VPS54: variants seen among roughly 807,000 people sequenced by gnomAD.
The protein encoded by VPS54 is VPS54 subunit of GARP complex.
VPS54 carries 45 observed loss-of-function variants against 121.5 expected under a neutral mutation model. That is an observed-to-expected ratio of 0.37 (90% CI 0.29 to 0.47). VPS54 has a LOEUF of 0.47. Among genes scored for constraint, VPS54 ranks in the 20% least tolerant of loss-of-function variants. VPS54 has a pLI of 0.99. For missense variants in VPS54, 1,090 were observed against 1,131.4 expected (o/e 0.96, Z 0.52); for synonymous variants, 371 against 385.8 (o/e 0.96, Z 0.45).
intron 9 of VPS54, 129 bp from the exon 10 acceptor site, chr2:63,944,784 C>G: frequency 1.5e-6 from 1 of 678,452 alleles, no homozygotes; most frequent in Non-Finnish European, 2.4e-6. Flanking sequence ...AAAGGACATA[C>G]ATGTGGCCAA....
intron 1 of VPS54, among the ~76,000 whole-genome samples, chr2:64,001,855 T>G (rs1346746213): frequency 6.6e-6 from 1 of 152,058 alleles, no homozygotes. Flanking sequence ...AGCACTCCCT[T>G]AGGTGTTCCA....
chr2:63,968,990 A>T lies in VPS54; in HGVS notation c.459T>A (p.Asp153Glu). The change falls in exon 5 of 23, where the codon GAT (aspartate) becomes GAA (glutamate). Residue 153 changes from aspartate to glutamate, a missense_variant and splice_region_variant. Coordinates refer to ENST00000272322, the MANE Select transcript of VPS54 (RefSeq NM_016516.3). The stretch of plus-strand genomic sequence containing the variant: ...CTTGCTCCAGATCTGTCCTGGATTT[A>T]TCTATTTAAAAAAGAAGGGAAATAT... ...TFERTLLHTH[D>E]KSRTDLEQVP... 6.3e-7 allele frequency: 1 copy of T among 1,599,326 alleles called. No individual in the cohort carries two copies. The highest frequency in any genetic ancestry group is 1.1e-5 in the South Asian group (1 of 88,674).
chr2:63,992,211 G>A (rs998249116), intron 1 of VPS54, among the ~76,000 whole-genome samples: 6 of 152,210 alleles, frequency 3.9e-5, no homozygotes, highest in African/African-American at 1.4e-4. Context: ...ACGTGGCCCT[G>A]GAAGGGGCTC....
At chr2:63,938,059 G>GTTGTGTGTGT (rs9309357) in intron 11 of VPS54, among the ~76,000 whole-genome samples, 1 of 140,384 alleles carries the variant, frequency 7.1e-6, no homozygotes, top group Admixed American at 7.1e-5. Context: ...TGGTGTGTGT[G>GTTGTGTGTGT]GTGTGTGTGT....
At chr2:63,922,363 C>G (rs1673686199) in intron 12 of VPS54, among the ~76,000 whole-genome samples, 3 of 152,134 alleles carry the variant, frequency 2.0e-5, no homozygotes, top group South Asian at 4.1e-4. Context: ...AAAGATACTA[C>G]AAAGAGGCTC....
intron 12 of VPS54, among the ~76,000 whole-genome samples, chr2:63,931,646 T>C (rs1217173338): frequency 1.3e-5 from 2 of 152,050 alleles, no homozygotes; most frequent in Admixed American, 6.5e-5. Flanking sequence ...AAAGGCAAAA[T>C]TGACAAATGG....
chr2:63,893,541 T>C lies in VPS54; in HGVS notation c.2829-6A>G, dbSNP rs1474664801. 2 of 1,603,174 alleles carry C rather than the reference T, an allele frequency of 1.2e-6. No individual in the cohort carries two copies. The highest frequency in any genetic ancestry group is 1.7e-6 in the Non-Finnish European group (2 of 1,175,336). ...CTACATCTGCTGTGACCAACCTAAA[T>C]AATGGAGAGAAAATTATTTTTTAAA... On this transcript the variant is annotated splice_polypyrimidine_tract_variant and splice_region_variant and intron_variant, in intron 22 of 22. Transcript: ENST00000272322.
chr2:63,912,769 C>G (rs534321653), intron 18 of VPS54, 108 bp from the exon 19 acceptor site: 11 of 1,340,302 alleles, frequency 8.2e-6, no homozygotes, highest in Non-Finnish European at 1.0e-5. Flanking sequence ...TATAAAGAAC[C>G]AGTTTATTTC....
chr2:63,943,887 A>G (rs1674854334), intron 10 of VPS54, among the ~76,000 whole-genome samples: 1 of 151,208 alleles, frequency 6.6e-6, no homozygotes, highest in African/African-American at 2.4e-5. Flanking sequence ...ACCATGCCCA[A>G]CTTATTTTTT....
intron 7 of VPS54, among the ~76,000 whole-genome samples, chr2:63,956,133 T>C (rs1225074307): frequency 1.3e-5 from 2 of 152,214 alleles, no homozygotes; most frequent in Non-Finnish European, 2.9e-5. Flanking sequence ...CAATAAACTC[T>C]GTAGAATTCT....
chr2:63,921,884 T>C (rs917131998), intron 12 of VPS54, among the ~76,000 whole-genome samples: 6 of 152,226 alleles, frequency 3.9e-5, no homozygotes, highest in African/African-American at 1.2e-4. Context: ...GCAGAAACTA[T>C]AGCAAAATTA....
chr2:63,893,570 C>T, intron 22 of VPS54, 35 bp from the exon 23 acceptor site: 1 of 1,563,726 alleles, frequency 6.4e-7, no homozygotes, highest in Non-Finnish European at 8.7e-7. Flanking sequence ...TTTTAAATCT[C>T]AAACTTTCTA....
intron 7 of VPS54, among the ~76,000 whole-genome samples, chr2:63,961,537 G>A (rs767394117): frequency 1.3e-5 from 2 of 152,116 alleles, no homozygotes; most frequent in Non-Finnish European, 2.9e-5. Flanking sequence ...ACTTTGGAAT[G>A]ATTTCATATA....
chr2:63,967,232 A>G (rs1676043557), intron 5 of VPS54, among the ~76,000 whole-genome samples: 1 of 152,176 alleles, frequency 6.6e-6, no homozygotes, highest in Non-Finnish European at 1.5e-5. Context: ...TGAATATGGT[A>G]GGAAAAAAAT....
At chr2:63,906,549 T>C (rs1344352424) in intron 20 of VPS54, among the ~76,000 whole-genome samples, 1 of 152,192 alleles carries the variant, frequency 6.6e-6, no homozygotes, top group Non-Finnish European at 1.5e-5. Flanking sequence ...TGGTGTGTGG[T>C]AAACATTTAA....
intron 15 of VPS54, among the ~76,000 whole-genome samples, chr2:63,918,955 G>A (rs200674856): frequency 4.6e-5 from 7 of 151,922 alleles, no homozygotes; most frequent in Non-Finnish European, 1.0e-4. Context: ...GGTTACTGTT[G>A]GTGTTTTACT....
chr2:63,981,272 G>A (rs989343659), intron 3 of VPS54, among the ~76,000 whole-genome samples: 10 of 152,062 alleles, frequency 6.6e-5, no homozygotes, highest in Non-Finnish European at 1.3e-4. Context: ...TAGAGCTAGG[G>A]TGCTCTATAG....
intron 1 of VPS54, among the ~76,000 whole-genome samples, chr2:63,988,670 T>C (rs1677168969): frequency 6.6e-6 from 1 of 152,206 alleles, no homozygotes; most frequent in South Asian, 2.1e-4. Context: ...CCTGTCTTTA[T>C]TTTAATCTCT....
chr2:63,997,746 T>C (rs1677669027), intron 1 of VPS54, among the ~76,000 whole-genome samples: 1 of 152,062 alleles, frequency 6.6e-6, no homozygotes, highest in African/African-American at 2.4e-5. Context: ...TAATTTTGTT[T>C]GGCTTGCTCT....
Sources: gnomAD v4.1 joint callset for allele counts (sites outside exome capture counted in the v4.1 genomes callset) on GRCh38, gnomAD v4.1.1 for gene constraint, MANE v1.5 for transcripts, NCBI Gene and HGNC (gene_info 2026-07-23, HGNC 2026-07-21) for gene names.